The following TCTN3 variants were observed in gnomAD, a reference collection of about 807,000 sequenced individuals.
TCTN3 encodes the protein tectonic-3.
Under a neutral mutation model 71.3 loss-of-function variants are expected in TCTN3, and 57 were observed. That is an observed-to-expected ratio of 0.80 (90% confidence interval 0.65 to 1.00). The LOEUF (loss-of-function observed/expected upper bound fraction) is 1.00. Ranked by LOEUF, TCTN3 falls within the 50% of genes least tolerant of loss-of-function variation. The pLI is 0.00. For synonymous variants in TCTN3, 258 were observed against 267.8 expected, an observed-to-expected ratio of 0.96 and a Z score of 0.36; for missense variants, 696 against 719.9, an observed-to-expected ratio of 0.97 and a Z score of 0.38.
At chr10:95,672,160 T>TTGTGTGTGTGTGTGTGTGTGTGTGTGTG (rs10525130) in intron 13 of TCTN3, among the ~76,000 whole-genome samples, 3,040 of 139,632 alleles carry the variant, frequency 0.022, 83 homozygotes, top group Middle Eastern at 0.065. Flanking sequence ...ATTATTATTA[T>TTGTGTGTGTGTGTGTGTGTGTGTGTGTG]TGTGTGTGTG....
intron 7 of TCTN3, 99 bp from the exon 8 acceptor site, chr10:95,685,735 C>T: frequency 1.1e-6 from 1 of 874,460 alleles, no homozygotes; most frequent in Non-Finnish European, 1.8e-6. Flanking sequence ...TTTCCTTCCC[C>T]TTGACCACCC....
intron 3 of TCTN3, 74 bp from the exon 4 acceptor site, chr10:95,687,793 T>A: frequency 6.5e-7 from 1 of 1,531,050 alleles, no homozygotes; most frequent in South Asian, 1.2e-5. Flanking sequence ...TAAAAAATAT[T>A]TTTATTGAAG....
At chr10:95,687,510 G>A (rs1211764306) in intron 4 of TCTN3, 82 bp downstream of exon 4, 1 of 1,583,020 alleles carries the variant, frequency 6.3e-7, no homozygotes, top group South Asian at 1.2e-5. Context: ...CTGCAGGGTA[G>A]TGCTGCAAAG....
Position 95,692,912 on chromosome 10 carries a change from C to T in TCTN3, c.499+8G>A, listed in dbSNP as rs1457837254. On this transcript the variant is annotated splice_region_variant and intron_variant, in intron 3 of 13. Transcript: ENST00000371217. ...GAAAATGAGAACAACCAACATGTTT[C>T]TACTCACAGTTGTTCACATGGACAC... 1.3e-6 allele frequency: 2 copies of T among 1,584,982 alleles called. No homozygotes were observed. The highest frequency in any genetic ancestry group is 1.7e-6 in the Non-Finnish European group (2 of 1,153,526).
At chr10:95,673,081 G>T (rs2097933320) in intron 13 of TCTN3, among the ~76,000 whole-genome samples, 1 of 152,078 alleles carries the variant, frequency 6.6e-6, no homozygotes, top group Non-Finnish European at 1.5e-5. Flanking sequence ...TTCTAGATAT[G>T]AGTCTTTTGT....
rs74150980 is a variant in TCTN3 at position 95,664,022 on chromosome 10, A to G, written c.*45T>C. On this transcript the variant is annotated 3_prime_UTR_variant, in exon 14 of 14. Transcript: ENST00000371217. ...TTTAGCCAAGATAAGTGGCTGCCTCAGAGTTTCTCATAGGGAAAACTGAAA... is the reference window on the plus strand; with the variant it reads ...TTTAGCCAAGATAAGTGGCTGCCTCGGAGTTTCTCATAGGGAAAACTGAAA... 3.1e-3 allele frequency: 4,824 copies of G among 1,564,550 alleles called. 121 individuals are homozygous for G. In the African/African-American group the frequency reaches 0.057, roughly 19 times the overall value.
intron 4 of TCTN3, 64 bp from the exon 5 acceptor site, chr10:95,687,419 AAG>A: frequency 1.3e-6 from 2 of 1,524,250 alleles, no homozygotes; most frequent in Non-Finnish European, 1.8e-6. Context: ...ACAGAAAAGA[AAG>A]AGTAGAAACA....
In TCTN3 at chr10:95,680,500, C is replaced by G. The variant is rs765803620; in HGVS notation, c.1562G>C (p.Arg521Pro). 1.1e-5 allele frequency: 17 copies of G among 1,613,930 alleles called. No homozygotes were observed. The Admixed American group carries it at 2.5e-4, about 24-fold the overall frequency. The part of the protein sequence containing the change: ...SNPQAHVSGV[R>P]FLYQCQSIQD... ...TATAGACTGGCACTGGTATAGGAAT[C>G]GAACTCCTGATACATGAGCTTGCGG... The change falls in exon 13 of 14, where the codon CGA (arginine) becomes CCA (proline). Residue 521 changes from arginine to proline, a missense_variant. Physicochemically the swap from Arg to Pro is moderately radical, Grantham distance 103. Transcript: ENST00000371217.
At chr10:95,668,665 T>G (rs1228999698) in intron 13 of TCTN3, among the ~76,000 whole-genome samples, 1 of 152,032 alleles carries the variant, frequency 6.6e-6, no homozygotes, top group Non-Finnish European at 1.5e-5. Context: ...ATTATTAGAC[T>G]CTAAGCTCCA....
chr10:95,670,111 C>G (rs1226212272), intron 13 of TCTN3, among the ~76,000 whole-genome samples: 1 of 149,506 alleles, frequency 6.7e-6, no homozygotes, highest in East Asian at 2.0e-4. Flanking sequence ...ATCTATTTGA[C>G]CCTTTTTCCT....
At chr10:95,675,844 T>C (rs901181180) in intron 13 of TCTN3, among the ~76,000 whole-genome samples, 1 of 152,258 alleles carries the variant, frequency 6.6e-6, no homozygotes, top group African/African-American at 2.4e-5. Flanking sequence ...TCTTTCCTAG[T>C]ATGCTGCCTG....
rs2097944101 is a variant in TCTN3, at chr10:95,682,633, GTA to G, written c.1452+16_1452+17del. 1.9e-6 allele frequency: 3 copies of G among 1,606,192 alleles called. No individual in the cohort carries two copies. In the East Asian group the frequency reaches 6.7e-5, roughly 36 times the overall value. On this transcript the variant is annotated intron_variant, in intron 12 of 13. Transcript: ENST00000371217. ...GGTAAAAATGAGTCTTCATCAGAAA[GTA>G]TATTTCTCTCCTTACTGAAATGCTG...
At chr10:95,666,240 CT>C (rs35125356) in intron 13 of TCTN3, among the ~76,000 whole-genome samples, 1,725 of 138,134 alleles carry the variant, frequency 0.012, 16 homozygotes, top group Middle Eastern at 0.065. Flanking sequence ...CATGCCCAGC[CT>C]TTTTTTTTTT....
At chr10:95,679,250 A>G (rs1326140900) in intron 13 of TCTN3, among the ~76,000 whole-genome samples, 3 of 152,208 alleles carry the variant, frequency 2.0e-5, no homozygotes, top group African/African-American at 4.8e-5. Context: ...GGAACCAGAG[A>G]TGTGGAAATA....
At position 95,685,644 on chromosome 10, in the gene TCTN3, C is replaced by T. The variant is rs374331871; in HGVS notation, c.889-8G>A. On this transcript the variant is annotated splice_polypyrimidine_tract_variant and splice_region_variant and intron_variant, in intron 7 of 13. Transcript: ENST00000371217. ...TATTACAGGAACCTGGAACTAGCAA[C>T]GAAAAGAAGCAAATTAACTAAAACT... 7.0e-4 allele frequency: 1,077 copies of T among 1,549,192 alleles called. 10 individuals are homozygous for T. In the South Asian group the frequency reaches 8.0e-3, roughly 12 times the overall value.
At chr10:95,676,105 C>T (rs553606845) in intron 13 of TCTN3, among the ~76,000 whole-genome samples, 49 of 149,194 alleles carry the variant, frequency 3.3e-4, no homozygotes, top group African/African-American at 9.6e-4. Flanking sequence ...ATAAAAGATG[C>T]TTATTAAATA....
intron 2 of TCTN3, 44 bp from the exon 3 acceptor site, chr10:95,693,082 G>A: frequency 6.8e-7 from 1 of 1,468,708 alleles, no homozygotes; most frequent in Non-Finnish European, 9.4e-7. Context: ...GAAGGGGCGG[G>A]GCAGGTCCAA....
Position 95,687,160 on chromosome 10 carries a change from C to T in TCTN3, c.737-1G>A. 6.2e-7 allele frequency: 1 copy of T among 1,613,714 alleles called. No individual in the cohort carries two copies. The highest frequency in any genetic ancestry group is 8.5e-7 in the Non-Finnish European group (1 of 1,179,694). ...GTTGTACTTTTACTCTCTAGGAAACCTTAAACACAAATAATTAAGAGAGTG... is the reference window on the plus strand; with the variant it reads ...GTTGTACTTTTACTCTCTAGGAAACTTTAAACACAAATAATTAAGAGAGTG... On this transcript the variant is annotated splice_acceptor_variant, in intron 5 of 13. Transcript: ENST00000371217. LOFTEE classifies it high-confidence loss of function.
intron 12 of TCTN3, 147 bp downstream of exon 12, chr10:95,682,504 A>AT: frequency 1.1e-6 from 1 of 892,408 alleles, no homozygotes; most frequent in Non-Finnish European, 1.6e-6. Flanking sequence ...AAAAAAAAAA[A>AT]GGCTTCAAGT....
Sources: allele counts gnomAD v4.1 joint callset (sites outside exome capture counted in the v4.1 genomes callset), GRCh38; gene constraint gnomAD v4.1.1; transcripts MANE v1.5; gene names NCBI Gene and HGNC (gene_info 2026-07-23, HGNC 2026-07-21).